The following LARGE1 variants were observed in gnomAD, a reference collection of about 807,000 sequenced individuals.
LARGE1 encodes xylosyl- and glucuronyltransferase LARGE1.
LARGE1 carries 43 observed loss-of-function variants against 87.6 expected under a neutral mutation model. That is an observed-to-expected ratio of 0.49 (90% CI 0.38 to 0.63). The LOEUF (loss-of-function observed/expected upper bound fraction) is 0.63, where lower values mean the gene tolerates loss of function less well. Among genes scored for constraint, LARGE1 ranks in the 30% least tolerant of loss-of-function variants. LARGE1 has a pLI of 0.00. For missense variants in LARGE1, 802 were observed against 1,000.2 expected, an observed-to-expected ratio of 0.80 and a Z score of 2.67; for synonymous variants, 434 against 394.6, an observed-to-expected ratio of 1.10 and a Z score of -1.18.
intron 11 of LARGE1, among the ~76,000 whole-genome samples, chr22:33,227,074 A>G (rs923056968): frequency 6.6e-6 from 1 of 152,138 alleles, no homozygotes; most frequent in Non-Finnish European, 1.5e-5. Flanking sequence ...TTATTTATTT[A>G]ACAGATCCTT....
intron 12 of LARGE1, among the ~76,000 whole-genome samples, chr22:33,286,180 C>T (rs904385633): frequency 6.6e-6 from 1 of 152,206 alleles, no homozygotes; most frequent in African/African-American, 2.4e-5. Flanking sequence ...ATTCTTCTCC[C>T]GCTTTGTCTG....
At chr22:33,832,663 A>G (rs978158428) in intron 1 of LARGE1, among the ~76,000 whole-genome samples, 6 of 152,224 alleles carry the variant, frequency 3.9e-5, no homozygotes, top group Non-Finnish European at 8.8e-5. Flanking sequence ...TTTAAGCTGC[A>G]GCCCCAGACT....
At chr22:33,291,111 T>C (rs1932468374) in intron 12 of LARGE1, among the ~76,000 whole-genome samples, 2 of 152,106 alleles carry the variant, frequency 1.3e-5, no homozygotes, top group South Asian at 4.1e-4. Flanking sequence ...CAAGGCTGGA[T>C]TGCTAATCAG....
intron 1 of LARGE1, among the ~76,000 whole-genome samples, chr22:33,785,237 A>G (rs527802948): frequency 2.6e-5 from 4 of 151,778 alleles, no homozygotes; most frequent in East Asian, 1.9e-4. Flanking sequence ...GTGTATACAT[A>G]CATATGTGTA....
intron 11 of LARGE1, among the ~76,000 whole-genome samples, chr22:33,216,832 A>C (rs553887458): frequency 2.0e-5 from 3 of 152,308 alleles, no homozygotes; most frequent in African/African-American, 4.8e-5. Context: ...AGATACATGC[A>C]GGAGACTGCA....
At chr22:33,335,909 T>C (rs1320057032) in intron 10 of LARGE1, among the ~76,000 whole-genome samples, 3 of 152,244 alleles carry the variant, frequency 2.0e-5, no homozygotes, top group Non-Finnish European at 4.4e-5. Context: ...ATCATTGTTT[T>C]CTGCGAGTTT....
chr22:33,684,440 TA>T (rs1569369499), intron 2 of LARGE1, among the ~76,000 whole-genome samples: 1 of 151,314 alleles, frequency 6.6e-6, no homozygotes, highest in African/African-American at 2.4e-5. Context: ...ACAAGACGGA[TA>T]GAAGAGAAAA....
intron 1 of LARGE1, among the ~76,000 whole-genome samples, chr22:33,854,482 T>C (rs1165461766): frequency 6.6e-5 from 10 of 152,124 alleles, no homozygotes; most frequent in Non-Finnish European, 1.5e-4. Context: ...TTTTAAAAAG[T>C]ACAAGGTAAA....
intron 7 of LARGE1, among the ~76,000 whole-genome samples, chr22:33,411,031 C>A (rs1191980709): frequency 6.6e-6 from 1 of 152,158 alleles, no homozygotes; most frequent in African/African-American, 2.4e-5. Context: ...GATTTAGGAT[C>A]ATATCCTTCC....
intron 7 of LARGE1, among the ~76,000 whole-genome samples, chr22:33,403,816 CT>C (rs2066004063): frequency 6.6e-6 from 1 of 152,082 alleles, no homozygotes; most frequent in Admixed American, 6.6e-5. Context: ...GTTGGCCAGG[CT>C]TGTCTCGAAC....
At chr22:33,164,994 G>A (rs4420793) in exon 12 of LARGE1, 66,677 of 151,790 alleles carry the variant, frequency 0.44, 14,818 homozygotes, top group South Asian at 0.53. Flanking sequence ...TATAGACAAC[G>A]GGGACTACTA....
At chr22:33,828,811 T>C (rs5994801) in intron 1 of LARGE1, among the ~76,000 whole-genome samples, 24,021 of 152,132 alleles carry the variant, frequency 0.16, 2,029 homozygotes, top group Middle Eastern at 0.26. Flanking sequence ...AAGTTCTTTG[T>C]GCATAAATTT....
intron 7 of LARGE1, among the ~76,000 whole-genome samples, chr22:33,406,248 C>T (rs1458902729): frequency 6.6e-6 from 1 of 152,164 alleles, no homozygotes; most frequent in East Asian, 1.9e-4. Flanking sequence ...ACTTGCCTGG[C>T]CACACCCATT....
intron 11 of LARGE1, 36 bp from the exon 12 acceptor site, chr22:33,304,543 G>C: frequency 6.5e-7 from 1 of 1,534,408 alleles, no homozygotes. Flanking sequence ...GCGGGACCTG[G>C]GCCATCCATG....
At chr22:33,756,582 T>C (rs2084521569) in intron 2 of LARGE1, among the ~76,000 whole-genome samples, 1 of 151,522 alleles carries the variant, frequency 6.6e-6, no homozygotes, top group Admixed American at 6.6e-5. Flanking sequence ...AAAGAACAGG[T>C]GGGAAGAGCA....
the LARGE1 span, among the ~76,000 whole-genome samples, chr22:33,092,791 A>G: frequency 6.6e-6 from 1 of 152,142 alleles, no homozygotes; most frequent in Non-Finnish European, 1.5e-5. Flanking sequence ...TGTCCCTGCA[A>G]AGGACATGAT....
chr22:33,233,326 T>A (rs1926102990), intron 11 of LARGE1, among the ~76,000 whole-genome samples: 1 of 152,120 alleles, frequency 6.6e-6, no homozygotes, highest in Admixed American at 6.5e-5. Context: ...ATGATGATGA[T>A]ACAATAATAG....
chr22:33,832,003 G>A (rs964764210), intron 1 of LARGE1, among the ~76,000 whole-genome samples: 5 of 152,168 alleles, frequency 3.3e-5, no homozygotes, highest in Admixed American at 6.5e-5. Flanking sequence ...GTTCCCACTG[G>A]CTGCAAAGCC....
intron 11 of LARGE1, among the ~76,000 whole-genome samples, chr22:33,311,576 C>T (rs896936717): frequency 2.6e-5 from 4 of 152,156 alleles, no homozygotes; most frequent in Non-Finnish European, 4.4e-5. Flanking sequence ...GTGAATCTGA[C>T]GTTATCACCA....
Sources: gnomAD v4.1 joint callset for allele counts (sites outside exome capture counted in the v4.1 genomes callset) on GRCh38, gnomAD v4.1.1 for gene constraint, MANE v1.5 for transcripts, NCBI Gene and HGNC (gene_info 2026-07-23, HGNC 2026-07-21) for gene names.